Variants in ZBTB17 observed in about 807,000 individuals in gnomAD.
ZBTB17 encodes the protein zinc finger and BTB domain containing 17.
In ZBTB17, 24 loss-of-function variants were observed where a neutral mutation model predicts 85.1. The ratio of observed to expected loss-of-function variants is 0.28; its 90% CI spans 0.20 to 0.40. The LOEUF is 0.40. Ranked by LOEUF, ZBTB17 falls within the 10% of genes least tolerant of loss-of-function variation. The probability of loss-of-function intolerance (pLI) is 1.00; values close to 1 mark genes in which losing one functional copy is unlikely to be tolerated. For missense variants in ZBTB17, 743 were observed against 1,105.1 expected, an observed-to-expected ratio of 0.67 and a Z score of 4.65; for synonymous variants, 464 against 460.2, an observed-to-expected ratio of 1.01 and a Z score of -0.11.
At chr1:15,968,352 G>A (rs895601532) in intron 2 of ZBTB17, among the ~76,000 whole-genome samples, 7 of 152,160 alleles carry the variant, frequency 4.6e-5, no homozygotes, top group African/African-American at 1.4e-4. Flanking sequence ...CTTGCTGAGC[G>A]CCAGCTGTGT....
Position 15,944,495 on chromosome 1 carries a change from G to A in ZBTB17, c.1176C>T (p.Cys392=). 6.3e-7 allele frequency: 1 copy of A among 1,580,408 alleles called. No homozygotes were observed. Among genetic ancestry groups the A allele is most frequent in the Non-Finnish European group, 8.6e-7 (1 of 1,165,746 alleles). ...KRHSGEARYR[C]EDCGKLFTTS... is the part of the protein sequence containing the mutation. ...TGGTGAAGAGCTTGCCGCAGTCCTC[G>A]CAGCGGTAGCGCGCCTCGCCCGAGT... The change falls in exon 9 of 16, where the codon TGC becomes TGT. Residue 392 remains cysteine, a synonymous_variant. Coordinates refer to ENST00000375743, the MANE Select transcript of ZBTB17 (RefSeq NM_003443.3).
intron 6 of ZBTB17, among the ~76,000 whole-genome samples, chr1:15,945,504 G>A (rs1034405896): frequency 1.3e-5 from 2 of 152,218 alleles, no homozygotes; most frequent in Non-Finnish European, 2.9e-5. Context: ...ACGTGCCTGT[G>A]CTCACAGACA....
At chr1:15,967,979 A>G (rs1464395944) in intron 2 of ZBTB17, among the ~76,000 whole-genome samples, 1 of 152,110 alleles carries the variant, frequency 6.6e-6, no homozygotes, top group Non-Finnish European at 1.5e-5. Context: ...ATATTTGGCA[A>G]TATCTGGAGA....
chr1:15,948,278 C>T lies in ZBTB17; in HGVS notation c.205+13G>A. On this transcript the variant is annotated intron_variant, in intron 3 of 15. Transcript: ENST00000375743. ...GGCTATCAGCAAGCTCAGCCCCAGC[C>T]CTGACGGGGTACCTGCCGCGTTACT... 1 of 1,613,694 alleles carries T rather than the reference C, an allele frequency of 6.2e-7. No homozygotes were observed. Among genetic ancestry groups the T allele is most frequent in the Non-Finnish European group, 8.5e-7 (1 of 1,180,034 alleles).
chr1:15,960,133 G>C (rs1019911000), intron 2 of ZBTB17, among the ~76,000 whole-genome samples: 1 of 152,190 alleles, frequency 6.6e-6, no homozygotes, highest in Non-Finnish European at 1.5e-5. Flanking sequence ...ACGCAACTGT[G>C]GGGGGCTTGC....
At chr1:15,962,100 G>C (rs866323096) in intron 2 of ZBTB17, among the ~76,000 whole-genome samples, 1 of 152,132 alleles carries the variant, frequency 6.6e-6, no homozygotes, top group Admixed American at 6.5e-5. Flanking sequence ...CCAGCCACTC[G>C]GGAGGCTGAG....
chr1:15,942,990 CCCTT>C (rs2071426537), intron 13 of ZBTB17, 70 bp downstream of exon 13: 2 of 1,583,172 alleles, frequency 1.3e-6, no homozygotes, highest in African/African-American at 1.4e-5. Flanking sequence ...TCTGGGGGGT[CCCTT>C]CCTTCCCCCT....
At chr1:15,961,926 G>A (rs568693603) in intron 2 of ZBTB17, among the ~76,000 whole-genome samples, 18 of 152,300 alleles carry the variant, frequency 1.2e-4, no homozygotes, top group South Asian at 2.1e-4. Context: ...TCAGTAAACC[G>A]GGAGAGGTGG....
chr1:15,942,088 C>A lies in ZBTB17; in HGVS notation c.2293G>T (p.Ala765Ser). The A allele has an allele frequency of 6.2e-7, 1 of 1,613,228 alleles. No homozygotes were observed. The highest frequency in any genetic ancestry group is 8.5e-7 in the Non-Finnish European group (1 of 1,180,038). The change falls in exon 16 of 16, where the codon GCC becomes TCC. Residue 765 changes from alanine to serine, a missense_variant. By Grantham distance (99) the Ala-to-Ser change is moderately conservative (BLOSUM62 1). Transcript: ENST00000375743. ...TCCCCAGCCTGCAGCACCTGCCCGGCAGGCCACGTGCCACCTGGCCCATAC... is the reference window on the plus strand; with the variant it reads ...TCCCCAGCCTGCAGCACCTGCCCGGAAGGCCACGTGCCACCTGGCCCATAC... ...QQYGPGGTWP[A>S]GQVLQAGELV...
At chr1:15,946,901 G>A (rs1228255178) in intron 4 of ZBTB17, 34 bp downstream of exon 4, 2 of 1,585,248 alleles carry the variant, frequency 1.3e-6, no homozygotes, top group East Asian at 2.3e-5. Flanking sequence ...AAGGTCTCTG[G>A]CCATCTGCTT....
intron 2 of ZBTB17, among the ~76,000 whole-genome samples, chr1:15,963,455 C>A (rs1302794248): frequency 6.6e-6 from 1 of 152,164 alleles, no homozygotes; most frequent in Non-Finnish European, 1.5e-5. Flanking sequence ...AGCTTTGAAA[C>A]CAGGTTTCAA....
chr1:15,950,436 G>A (rs1490249910), intron 2 of ZBTB17, among the ~76,000 whole-genome samples: 1 of 152,232 alleles, frequency 6.6e-6, no homozygotes, highest in Admixed American at 6.5e-5. Flanking sequence ...GTCTTCTCCT[G>A]GCTGTGGAAA....
intron 2 of ZBTB17, chr1:15,969,610 G>T: frequency 4.8e-6 from 2 of 419,252 alleles, no homozygotes; most frequent in Non-Finnish European, 4.8e-6. Flanking sequence ...TCGGAGGGTG[G>T]GGGGAGCAGG....
chr1:15,955,775 G>A (rs2072024603), intron 2 of ZBTB17, among the ~76,000 whole-genome samples: 1 of 152,170 alleles, frequency 6.6e-6, no homozygotes, highest in South Asian at 2.1e-4. Flanking sequence ...GCAACATAGT[G>A]AGACCCCATG....
rs1174079264 is a variant in ZBTB17 at position 15,942,608 on chromosome 1, C to T, written c.1959G>A (p.Glu653=). 21 of 1,613,414 alleles carry T rather than the reference C, an allele frequency of 1.3e-5. No homozygotes were observed. Among genetic ancestry groups the T allele is most frequent in the Non-Finnish European group, 1.7e-5 (20 of 1,180,046 alleles). The change falls in exon 14 of 16, where the codon GAG becomes GAA. Residue 653 remains glutamate, a synonymous_variant. Transcript: ENST00000375743. Reference sequence around the variant, plus strand: ...TGTCATCCACAGTGACCACGCTGACCTCACTGCCCTCCTCGGGCTCCAGGA... The same window carrying T: ...TGTCATCCACAGTGACCACGCTGACTTCACTGCCCTCCTCGGGCTCCAGGA... The part of the protein sequence containing the change: ...IKILEPEEGS[E]VSVVTVDDMV...
At chr1:15,946,386 G>C (rs754210961) in intron 4 of ZBTB17, 92 bp from the exon 5 acceptor site, 1 of 1,539,580 alleles carries the variant, frequency 6.5e-7, no homozygotes, top group South Asian at 1.2e-5. Context: ...GGTCTTCCTC[G>C]TCCTCCCTAG....
intron 2 of ZBTB17, among the ~76,000 whole-genome samples, chr1:15,959,027 T>G (rs1370633655): frequency 6.6e-6 from 1 of 152,154 alleles, no homozygotes; most frequent in Non-Finnish European, 1.5e-5. Flanking sequence ...AAAAATGGGA[T>G]GATGTCACCC....
At chr1:15,972,193 A>G (rs1179681982) in intron 2 of ZBTB17, among the ~76,000 whole-genome samples, 1 of 152,190 alleles carries the variant, frequency 6.6e-6, no homozygotes, top group Non-Finnish European at 1.5e-5. Flanking sequence ...CCCGGGATTC[A>G]GTCTTACTTG....
rs118112936 is a variant in ZBTB17 at position 15,965,321 on chromosome 1, C to T, written c.-3+7718G>A. ...AATGAGCAAGACAATCTGTTGTTTC[C>T]GAGAAGATGAAATCTGAATGATCAG... On this transcript the variant is annotated intron_variant, in intron 2 of 15. Coordinates refer to ENST00000375743, the MANE Select transcript of ZBTB17 (RefSeq NM_003443.3). 1.4e-4 allele frequency among the ~76,000 whole-genome samples: 22 copies of T among 152,022 alleles called. No homozygotes were observed. In the East Asian group the frequency reaches 2.7e-3, roughly 19 times the overall value.
Sources: gnomAD v4.1 joint callset for allele counts (sites outside exome capture counted in the v4.1 genomes callset) on GRCh38, gnomAD v4.1.1 for gene constraint, MANE v1.5 for transcripts, NCBI Gene and HGNC (gene_info 2026-07-23, HGNC 2026-07-21) for gene names.